DCC: variants seen among roughly 807,000 people sequenced by gnomAD.
DCC encodes the protein netrin receptor DCC.
A neutral mutation model predicts 172.5 loss-of-function variants in DCC; 58 were observed. That is an observed-to-expected ratio of 0.34 (90% CI 0.27 to 0.42). The LOEUF (loss-of-function observed/expected upper bound fraction) is 0.42. Among genes scored for constraint, DCC ranks in the 10% least tolerant of loss-of-function variants. DCC has a pLI of 1.00. For synonymous variants in DCC, 709 were observed against 644.5 expected, an observed-to-expected ratio of 1.10 and a Z score of -1.52; for missense variants, 1,740 against 1,791.0, an observed-to-expected ratio of 0.97 and a Z score of 0.51.
chr18:52,487,340 G>A (rs1490462853), intron 1 of DCC, among the ~76,000 whole-genome samples: 2 of 152,120 alleles, frequency 1.3e-5, no homozygotes, highest in Non-Finnish European at 2.9e-5. Flanking sequence ...CTGTTAAACT[G>A]AACTCTGGTC....
At position 53,219,311 on chromosome 18, in the gene DCC, A is replaced by G. The variant is rs549589468; in HGVS notation, c.1911+3714A>G. Among the ~76,000 whole-genome samples, 4 of 152,262 alleles carry G rather than the reference A, an allele frequency of 2.6e-5. No homozygotes were observed. In the South Asian group the frequency reaches 8.3e-4, roughly 32 times the overall value. Reference sequence around the variant, plus strand: ...TCAAACATCTGTGCCTGTGTTTCTAACCATTATACCTTTTCTCAACCATTT... The same window carrying G: ...TCAAACATCTGTGCCTGTGTTTCTAGCCATTATACCTTTTCTCAACCATTT... On this transcript the variant is annotated intron_variant, in intron 12 of 28. Coordinates refer to ENST00000442544, the MANE Select transcript of DCC (RefSeq NM_005215.4).
intron 7 of DCC, among the ~76,000 whole-genome samples, chr18:53,131,552 G>A (rs2043651399): frequency 6.6e-6 from 1 of 152,142 alleles, no homozygotes; most frequent in African/African-American, 2.4e-5. Context: ...CTGGCTTTGT[G>A]TGTGATGGTT....
intron 21 of DCC, among the ~76,000 whole-genome samples, chr18:53,430,591 A>C (rs548214951): frequency 3.3e-5 from 5 of 152,312 alleles, no homozygotes; most frequent in African/African-American, 1.2e-4. Flanking sequence ...TAATATAAAC[A>C]TTAATGTTAT....
chr18:52,923,621 C>G (rs552760224), intron 3 of DCC, 86 bp from the exon 4 acceptor site: 3 of 1,098,074 alleles, frequency 2.7e-6, no homozygotes, highest in African/African-American at 1.6e-5. Flanking sequence ...TTCTTTCCAT[C>G]TTTTGTTAGG....
At chr18:52,797,156 G>T (rs1487246194) in intron 2 of DCC, among the ~76,000 whole-genome samples, 1 of 151,950 alleles carries the variant, frequency 6.6e-6, no homozygotes, top group Non-Finnish European at 1.5e-5. Flanking sequence ...TTCTCATCTA[G>T]AGCATAAATT....
intron 1 of DCC, among the ~76,000 whole-genome samples, chr18:52,651,941 TA>T (rs2035140376): frequency 6.6e-6 from 1 of 152,214 alleles, no homozygotes; most frequent in South Asian, 2.1e-4. Context: ...GAAAGGAGTA[TA>T]AAAAACAGTG....
chr18:53,166,811 A>T (rs577036787), intron 8 of DCC, among the ~76,000 whole-genome samples: 1 of 152,304 alleles, frequency 6.6e-6, no homozygotes, highest in African/African-American at 2.4e-5. Context: ...TTATGCTTTT[A>T]TCTGGCAGTG....
At chr18:53,016,752 T>C (rs1252265445) in intron 5 of DCC, among the ~76,000 whole-genome samples, 2 of 152,188 alleles carry the variant, frequency 1.3e-5, no homozygotes, top group African/African-American at 2.4e-5. Flanking sequence ...TGTCAAGTTA[T>C]AGAAGAAATT....
intron 1 of DCC, among the ~76,000 whole-genome samples, chr18:52,421,784 T>C (rs1205690858): frequency 1.3e-5 from 2 of 152,150 alleles, no homozygotes; most frequent in Non-Finnish European, 2.9e-5. Context: ...GTAAATGTTT[T>C]TTGTTGTTGT....
At chr18:52,594,549 A>G (rs1366022189) in intron 1 of DCC, among the ~76,000 whole-genome samples, 1 of 152,086 alleles carries the variant, frequency 6.6e-6, no homozygotes, top group Non-Finnish European at 1.5e-5. Context: ...TCAACAACCT[A>G]TATTACATGT....
At chr18:52,900,034 G>T (rs2039788485) in intron 2 of DCC, among the ~76,000 whole-genome samples, 1 of 152,176 alleles carries the variant, frequency 6.6e-6, no homozygotes, top group Non-Finnish European at 1.5e-5. Context: ...ACGATGGCTA[G>T]CAAATAAATT....
At chr18:53,030,355 T>TACTCTGCCACATAATAG (rs2042010988) in intron 5 of DCC, among the ~76,000 whole-genome samples, 4 of 151,886 alleles carry the variant, frequency 2.6e-5, no homozygotes, top group Non-Finnish European at 5.9e-5. Context: ...CCACATAATA[T>TACTCTGCCACATAATAG]ATACTCAATA....
At chr18:52,647,739 A>G (rs1191648432) in intron 1 of DCC, among the ~76,000 whole-genome samples, 2 of 152,228 alleles carry the variant, frequency 1.3e-5, no homozygotes, top group Non-Finnish European at 2.9e-5. Context: ...CTTCTTGATG[A>G]TAAGACTTTG....
chr18:53,495,617 C>G (rs1430052576), intron 26 of DCC, among the ~76,000 whole-genome samples: 1 of 152,002 alleles, frequency 6.6e-6, no homozygotes, highest in African/African-American at 2.4e-5. Context: ...GGTAGCTGTT[C>G]TCGAGGAGTA....
intron 1 of DCC, among the ~76,000 whole-genome samples, chr18:52,746,579 C>T (rs578147191): frequency 2.8e-4 from 43 of 152,116 alleles, no homozygotes; most frequent in African/African-American, 9.2e-4. Flanking sequence ...TTTGCCTCTG[C>T]GACTGAATGG....
At position 53,307,893 on chromosome 18, in the gene DCC, GTATGTATATATATATATATATATATA is replaced by G. The variant is rs1368443916; in HGVS notation, c.2053+2178_2053+2203del. Among the ~76,000 whole-genome samples, 42 of 97,556 alleles carry G rather than the reference GTATGTATATATATATATATATATATA, an allele frequency of 4.3e-4. 1 individual carries two copies. The highest frequency in any genetic ancestry group is 6.2e-4 in the African/African-American group (12 of 19,406). The allele number at this position is 97,556 out of a possible 152,430, so 64.0% of individuals were successfully genotyped here. A position where few individuals can be genotyped will look rare whatever the true frequency, so the allele number is the denominator to read the frequency against. Reference sequence around the variant, plus strand: ...AACCCTTCTGGAAAGCAATGTGTGTGTATGTATATATATATATATATATATATATATATATATATATATATATATAT... The same window carrying G: ...AACCCTTCTGGAAAGCAATGTGTGTGTATATATATATATATATATATATAT... On this transcript the variant is annotated intron_variant, in intron 13 of 28. Transcript: ENST00000442544.
chr18:52,435,987 T>G (rs1987782937), intron 1 of DCC, among the ~76,000 whole-genome samples: 1 of 152,196 alleles, frequency 6.6e-6, no homozygotes, highest in Non-Finnish European at 1.5e-5. Flanking sequence ...TAGGACATTG[T>G]CTCTATTCTT....
chr18:52,689,123 G>A (rs1291840023), intron 1 of DCC, among the ~76,000 whole-genome samples: 1 of 152,110 alleles, frequency 6.6e-6, no homozygotes, highest in Non-Finnish European at 1.5e-5. Flanking sequence ...GCCATCAATT[G>A]GCAAGCATTT....
intron 22 of DCC, 152 bp downstream of exon 22, chr18:53,435,361 A>G (rs1911872752): frequency 8.6e-6 from 5 of 579,452 alleles, no homozygotes; most frequent in Non-Finnish European, 1.5e-5. Context: ...GTTATTAAAA[A>G]ACAAAAACAA....
Sources: gnomAD v4.1 joint callset for allele counts (sites outside exome capture counted in the v4.1 genomes callset) on GRCh38, gnomAD v4.1.1 for gene constraint, MANE v1.5 for transcripts, NCBI Gene and HGNC (gene_info 2026-07-23, HGNC 2026-07-21) for gene names.